The following GLT1D1 variants were observed in gnomAD, a reference collection of about 807,000 sequenced individuals.
GLT1D1 encodes glycosyltransferase 1 domain-containing protein 1.
Under a neutral mutation model 28.7 loss-of-function variants are expected in GLT1D1, and 21 were observed. The ratio of observed to expected loss-of-function variants is 0.73; its 90% CI spans 0.52 to 1.05. The LOEUF (loss-of-function observed/expected upper bound fraction) is 1.05. Ranked by LOEUF, GLT1D1 falls within the 50% of genes least tolerant of loss-of-function variation. The pLI is 0.00. For missense variants in GLT1D1, 343 were observed against 330.6 expected (o/e 1.04, Z -0.29); for synonymous variants, 147 against 124.8 (o/e 1.18, Z -1.19).
intron 5 of GLT1D1, among the ~76,000 whole-genome samples, chr12:128,947,055 G>T (rs1404122260): frequency 6.6e-6 from 1 of 152,158 alleles, no homozygotes; most frequent in Non-Finnish European, 1.5e-5. Context: ...AGAGAAAATG[G>T]CATGAACCTT....
At chr12:128,872,452 A>C (rs186147908) in intron 1 of GLT1D1, among the ~76,000 whole-genome samples, 2 of 152,254 alleles carry the variant, frequency 1.3e-5, no homozygotes, top group African/African-American at 4.8e-5. Context: ...AGGAGCTGGC[A>C]CTAGGAAGTG....
At chr12:128,931,917 G>GCACGCGCACACACACACACACACACA (rs1368012620) in intron 4 of GLT1D1, among the ~76,000 whole-genome samples, 26 of 141,000 alleles carry the variant, frequency 1.8e-4, no homozygotes, top group Middle Eastern at 3.5e-3. Flanking sequence ...ACACACGCAC[G>GCACGCGCACACACACACACACACACA]CACACACACA....
At chr12:128,865,843 AAAAAAACCC>A (rs1255849603) in intron 1 of GLT1D1, among the ~76,000 whole-genome samples, 11 of 151,978 alleles carry the variant, frequency 7.2e-5, no homozygotes, top group African/African-American at 2.7e-4. Flanking sequence ...AAAACAAAAC[AAAAAAACCC>A]AAAAAACCAA....
intron 4 of GLT1D1, among the ~76,000 whole-genome samples, chr12:128,905,195 T>A (rs773149842): frequency 2.6e-5 from 4 of 152,256 alleles, no homozygotes; most frequent in Non-Finnish European, 5.9e-5. Context: ...CCACTATATG[T>A]CATCAATATG....
chr12:128,939,007 G>A (rs1449756841), intron 4 of GLT1D1, among the ~76,000 whole-genome samples: 1 of 152,150 alleles, frequency 6.6e-6, no homozygotes, highest in Non-Finnish European at 1.5e-5. Context: ...AGCACCCTAG[G>A]AAGGTCCTCT....
rs141257817 is a variant in GLT1D1 at position 128,956,358 on chromosome 12, G to A, written c.541-1187G>A. ...TATAATAAAGTGTTGAATATCTCAC[G>A]GAAGATATTATTGGATACTGTACTC... On this transcript the variant is annotated intron_variant, in intron 6 of 7. Transcript: ENST00000281703. Among the ~76,000 whole-genome samples, 404 of 151,928 alleles carry A rather than the reference G, an allele frequency of 2.7e-3. 1 individual carries two copies. The highest frequency in any genetic ancestry group is 9.2e-3 in the African/African-American group (379 of 41,398).
intron 6 of GLT1D1, among the ~76,000 whole-genome samples, chr12:128,956,583 C>T (rs1370756661): frequency 6.6e-6 from 1 of 152,140 alleles, no homozygotes; most frequent in Non-Finnish European, 1.5e-5. Flanking sequence ...ATCCCCGATC[C>T]TCACCTGAAT....
At chr12:128,897,778 C>T (rs1484333457) in intron 3 of GLT1D1, among the ~76,000 whole-genome samples, 1 of 152,134 alleles carries the variant, frequency 6.6e-6, no homozygotes, top group East Asian at 1.9e-4. Flanking sequence ...ACACCATCCT[C>T]CTGCCTCAGC....
At chr12:128,900,693 T>C (rs1870154447) in intron 4 of GLT1D1, among the ~76,000 whole-genome samples, 2 of 151,514 alleles carry the variant, frequency 1.3e-5, no homozygotes, top group African/African-American at 2.4e-5. Context: ...TAGAGTGTAA[T>C]GGTGCTATCT....
chr12:128,911,979 T>C (rs1871584665), intron 4 of GLT1D1, among the ~76,000 whole-genome samples: 1 of 152,040 alleles, frequency 6.6e-6, no homozygotes, highest in Non-Finnish European at 1.5e-5. Context: ...CTTTCTTCTT[T>C]TTTTCTGGGG....
intron 6 of GLT1D1, among the ~76,000 whole-genome samples, chr12:128,949,625 A>G (rs11608291): frequency 3.9e-5 from 6 of 151,992 alleles, no homozygotes; most frequent in African/African-American, 9.7e-5. Flanking sequence ...GGGGTGAACA[A>G]TTCTACAACT....
Position 128,887,576 on chromosome 12 carries a change from T to G in GLT1D1, c.218-1063T>G, listed in dbSNP as rs370395652. On this transcript the variant is annotated intron_variant, in intron 2 of 7. Coordinates refer to ENST00000281703, the MANE Select transcript of GLT1D1 (RefSeq NM_144669.3). ...CACCAATGCACAAGTAAGTTGCTTC[T>G]CAAACTGTGCTACTTTTAGCAGCCT... Among the ~76,000 whole-genome samples the G allele has an allele frequency of 4.5e-4, 68 of 151,984 alleles. 1 individual carries two copies. Among genetic ancestry groups the G allele is most frequent in the African/African-American group, 9.2e-4 (38 of 41,456 alleles).
intron 4 of GLT1D1, among the ~76,000 whole-genome samples, chr12:128,935,322 G>A (rs1051278276): frequency 3.3e-5 from 5 of 152,062 alleles, no homozygotes; most frequent in Non-Finnish European, 7.4e-5. Context: ...TGGGCGGATC[G>A]CTTGAGGTCA....
chr12:128,892,527 A>AT (rs1869178324), intron 3 of GLT1D1, among the ~76,000 whole-genome samples: 1 of 152,146 alleles, frequency 6.6e-6, no homozygotes, highest in African/African-American at 2.4e-5. Context: ...TATTATTATT[A>AT]GTATTATTTA....
chr12:128,927,159 G>T lies in GLT1D1; in HGVS notation c.376-18167G>T, dbSNP rs760128458. The T allele has an allele frequency of 6.5e-7, 1 of 1,531,276 alleles. No individual in the cohort carries two copies. Among genetic ancestry groups the T allele is most frequent in the South Asian group, 1.2e-5 (1 of 83,974 alleles). 94.9% of individuals were successfully genotyped at this position (1,531,276 alleles called of 1,614,324 possible). On this transcript the variant is annotated intron_variant, in intron 4 of 7. Transcript: ENST00000281703. ...CTGGTGATTGTGGGTCCTGAAGTAA[G>T]TTGATGTGCAGTAAACACTTATCTC... is the stretch of plus-strand genomic sequence containing the variant.
At chr12:128,887,934 G>A (rs139386435) in intron 2 of GLT1D1, among the ~76,000 whole-genome samples, 3 of 152,084 alleles carry the variant, frequency 2.0e-5, no homozygotes, top group African/African-American at 7.2e-5. Context: ...ACATCATTCA[G>A]CCTGAGATGG....
Position 128,965,738 on chromosome 12 carries a change from A to G in GLT1D1, c.639+8095A>G, listed in dbSNP as rs952976731. 1.8e-3 allele frequency among the ~76,000 whole-genome samples: 268 copies of G among 150,322 alleles called. 1 individual carries two copies. The highest frequency in any genetic ancestry group is 2.3e-3 in the Non-Finnish European group (153 of 67,610). On this transcript the variant is annotated intron_variant, in intron 7 of 7. Coordinates refer to ENST00000281703, the MANE Select transcript of GLT1D1 (RefSeq NM_144669.3). ...AAAAAAAAAAAAAAAAAAAAAAAGAAAAAGTAAAAAGCCAGATGTGGTGGC... is the reference window on the plus strand; with the variant it reads ...AAAAAAAAAAAAAAAAAAAAAAAGAGAAAGTAAAAAGCCAGATGTGGTGGC...
intron 7 of GLT1D1, among the ~76,000 whole-genome samples, chr12:128,973,915 A>AGG (rs1375461236): frequency 2.5e-4 from 7 of 28,280 alleles, no homozygotes; most frequent in African/African-American, 6.3e-4. Flanking sequence ...GGGTGTGTGT[A>AGG]GGGGGTGTGT....
At chr12:128,956,158 C>CAAA (rs1555219265) in intron 6 of GLT1D1, among the ~76,000 whole-genome samples, 1 of 7,466 alleles carries the variant, frequency 1.3e-4, no homozygotes, top group Non-Finnish European at 3.0e-4. Context: ...GACTCCATCT[C>CAAA]AAAAAAAAAA....
Sources: allele counts gnomAD v4.1 joint callset (sites outside exome capture counted in the v4.1 genomes callset), GRCh38; gene constraint gnomAD v4.1.1; transcripts MANE v1.5; gene names NCBI Gene and HGNC (gene_info 2026-07-23, HGNC 2026-07-21).